STAG2: variants seen among roughly 807,000 people sequenced by gnomAD.
STAG2 encodes the protein STAG2 cohesin complex component, also known as cohesin subunit SA-2.
A neutral mutation model predicts 108.1 loss-of-function variants in STAG2; 14 were observed. The observed-to-expected ratio is 0.13, with a 90% CI of 0.09 to 0.20. The LOEUF is 0.20. Among genes scored for constraint, STAG2 ranks in the 10% least tolerant of loss-of-function variants. The pLI is 1.00. For synonymous variants in STAG2, 307 were observed against 302.7 expected (o/e 1.01, Z -0.15); for missense variants, 440 against 940.9 (o/e 0.47, Z 6.96).
intron 1 of STAG2, among the ~76,000 whole-genome samples, chrX:124,020,458 G>A (rs1027514): frequency 0.49 from 53,760 of 110,632 alleles, 10,435 homozygotes; most frequent in Non-Finnish European, 0.61. Context: ...GAAACAAAAT[G>A]ATTTTCTTTT....
At chrX:124,062,350 A>G (rs948857268) in intron 17 of STAG2, among the ~76,000 whole-genome samples, 1 of 112,434 alleles carries the variant, frequency 8.9e-6, no homozygotes, top group Admixed American at 9.4e-5. Context: ...ATAAAAATTC[A>G]TTCTTATATT....
At chrX:124,040,577 C>G (rs956329281) in intron 6 of STAG2, among the ~76,000 whole-genome samples, 2 of 109,041 alleles carry the variant, frequency 1.8e-5, no homozygotes, top group Non-Finnish European at 3.8e-5. Flanking sequence ...TTTTGGGTTT[C>G]TGGATGTCTT....
rs181533979 is a variant in STAG2, at chrX:123,973,498, T to C, written c.-163+11642T>C. Reference sequence around the variant, plus strand: ...CTGAGATTGCAGTGAGCCGAGATCGTGCCACAGCACTCCAGCCTGGCAACA... The same window carrying C: ...CTGAGATTGCAGTGAGCCGAGATCGCGCCACAGCACTCCAGCCTGGCAACA... On this transcript the variant is annotated intron_variant, in intron 1 of 34. Coordinates refer to ENST00000371145, the MANE Select transcript of STAG2 (RefSeq NM_001042750.2). Among the ~76,000 whole-genome samples the C allele has an allele frequency of 5.5e-3, 484 of 87,432 alleles. 3 individuals are homozygous for C. Among genetic ancestry groups the C allele is most frequent in the African/African-American group, 0.02 (447 of 21,824 alleles). The allele number at this position is 87,432 out of a possible 115,157, so 75.9% of individuals were successfully genotyped here.
At chrX:124,094,943 T>C (rs1047760996) in intron 33 of STAG2, among the ~76,000 whole-genome samples, 7 of 111,297 alleles carry the variant, frequency 6.3e-5, no homozygotes. Context: ...GAGTTTTTTT[T>C]TTGAGATGGA....
At chrX:123,997,078 T>C (rs1393581930) in intron 1 of STAG2, among the ~76,000 whole-genome samples, 2 of 112,301 alleles carry the variant, frequency 1.8e-5, no homozygotes, top group Non-Finnish European at 1.9e-5. Flanking sequence ...TTCAGGACTT[T>C]CTATTCTATT....
intron 1 of STAG2, among the ~76,000 whole-genome samples, chrX:123,965,855 T>A (rs1030343174): frequency 1.8e-5 from 2 of 108,969 alleles, no homozygotes; most frequent in African/African-American, 3.4e-5. Context: ...ATTTAAAAAT[T>A]AGGTGTGGTG....
chrX:124,090,160 CAA>C (rs758142487), intron 30 of STAG2, among the ~76,000 whole-genome samples: 3,999 of 27,505 alleles, frequency 0.15, 23 homozygotes, highest in South Asian at 0.32. Flanking sequence ...GACTCTGTCT[CAA>C]AAAAAAAAAA....
At chrX:124,071,541 C>T (rs2058664707) in intron 25 of STAG2, among the ~76,000 whole-genome samples, 1 of 111,622 alleles carries the variant, frequency 9.0e-6, no homozygotes, top group Non-Finnish European at 1.9e-5. Context: ...CTGCTTCTCA[C>T]TAGCACTGAG....
intron 1 of STAG2, among the ~76,000 whole-genome samples, chrX:123,979,949 A>G (rs746541650): frequency 1.8e-5 from 2 of 112,022 alleles, no homozygotes; most frequent in South Asian, 7.3e-4. Flanking sequence ...GTATATTTTA[A>G]AAATGCATTG....
rs1431168044 is a variant in STAG2, at chrX:123,966,076, G to A, written c.-163+4220G>A. Among the ~76,000 whole-genome samples the A allele has an allele frequency of 6.3e-5, 7 of 111,472 alleles. No individual in the cohort carries two copies. In the Admixed American group the frequency reaches 6.7e-4, roughly 11 times the overall value. ...CGTTTTGGGAGTTGGGGAGAATAGCGAGGGAGAGGGATAGTTTCAGGTATG... is the reference window on the plus strand; with the variant it reads ...CGTTTTGGGAGTTGGGGAGAATAGCAAGGGAGAGGGATAGTTTCAGGTATG... On this transcript the variant is annotated intron_variant, in intron 1 of 34. Transcript: ENST00000371145.
At chrX:124,072,683 T>G (rs5910056) in intron 25 of STAG2, among the ~76,000 whole-genome samples, 48,835 of 94,628 alleles carry the variant, frequency 0.52, 9,705 homozygotes, top group Non-Finnish European at 0.65. Flanking sequence ...AATTATAGTG[T>G]TGTTGTTGTT....
At chrX:123,969,625 A>G (rs770651859) in intron 1 of STAG2, among the ~76,000 whole-genome samples, 21 of 109,652 alleles carry the variant, frequency 1.9e-4, no homozygotes, top group Non-Finnish European at 2.8e-4. Context: ...AGTGATCGGT[A>G]TCTTAGTCTC....
chrX:124,083,620 TTC>T (rs2059019041), intron 29 of STAG2, 71 bp downstream of exon 29: 3 of 874,947 alleles, frequency 3.4e-6, no homozygotes, highest in Non-Finnish European at 4.6e-6. Context: ...TATACTTGGT[TTC>T]TCTCCTTTCT....
intron 27 of STAG2, among the ~76,000 whole-genome samples, chrX:124,081,040 A>G (rs2058945963): frequency 9.0e-6 from 1 of 111,269 alleles, no homozygotes; most frequent in African/African-American, 3.3e-5. Flanking sequence ...GTAAAGATTC[A>G]CCACTTAAAC....
intron 8 of STAG2, 144 bp downstream of exon 8, chrX:124,045,512 G>A: frequency 2.0e-6 from 1 of 499,448 alleles, no homozygotes; most frequent in East Asian, 3.7e-5. Context: ...CATCCCTCCT[G>A]CGAATTCCTG....
chrX:123,986,096 ATC>A (rs758944952), intron 1 of STAG2, among the ~76,000 whole-genome samples: 130 of 105,749 alleles, frequency 1.2e-3, no homozygotes, highest in Non-Finnish European at 2.1e-3. Flanking sequence ...TATGATATAT[ATC>A]ATGTATATAT....
intron 1 of STAG2, among the ~76,000 whole-genome samples, chrX:123,970,919 A>G (rs1399781895): frequency 1.8e-5 from 2 of 111,733 alleles, no homozygotes; most frequent in Non-Finnish European, 3.8e-5. Context: ...TTTGAACGTG[A>G]AAGGGATTGC....
intron 1 of STAG2, among the ~76,000 whole-genome samples, chrX:124,009,273 A>G (rs2056416957): frequency 1.8e-5 from 2 of 110,272 alleles, no homozygotes; most frequent in African/African-American, 6.6e-5. Context: ...AACTTCAGTC[A>G]TCTTAGAGCT....
At position 124,045,968 on chromosome X, in the gene STAG2, T is replaced by G. The variant is rs755318495; in HGVS notation, c.667+600T>G. ...TTTTTCTTATGTTTCTGGGTAACTTTAGGCTGGGGCAAATTCTTTGATCTT... is the reference window on the plus strand; with the variant it reads ...TTTTTCTTATGTTTCTGGGTAACTTGAGGCTGGGGCAAATTCTTTGATCTT... On this transcript the variant is annotated intron_variant, in intron 8 of 34. Transcript: ENST00000371145. 7.2e-5 allele frequency among the ~76,000 whole-genome samples: 8 copies of G among 111,016 alleles called. No homozygotes were observed. In the South Asian group the frequency reaches 3.1e-3, roughly 42 times the overall value.
Sources: allele counts gnomAD v4.1 joint callset (sites outside exome capture counted in the v4.1 genomes callset), GRCh38; gene constraint gnomAD v4.1.1; transcripts MANE v1.5; gene names NCBI Gene and HGNC (gene_info 2026-07-23, HGNC 2026-07-21).